Variants in ALDH1A2 observed in about 807,000 individuals in gnomAD.
ALDH1A2 encodes aldehyde dehydrogenase 1 family member A2.
ALDH1A2 carries 27 observed loss-of-function variants against 60.3 expected under a neutral mutation model. The ratio of observed to expected loss-of-function variants is 0.45; its 90% CI spans 0.33 to 0.62. The LOEUF is 0.62. Ranked by LOEUF, ALDH1A2 falls within the 20% of genes least tolerant of loss-of-function variation. The pLI, the probability that ALDH1A2 is intolerant of heterozygous loss-of-function variation, is 0.02. For synonymous variants in ALDH1A2, 289 were observed against 232.4 expected (o/e 1.24, Z -2.21); for missense variants, 581 against 643.8 (o/e 0.90, Z 1.06).
intron 1 of ALDH1A2, among the ~76,000 whole-genome samples, chr15:58,047,886 T>G (rs1309253612): frequency 1.3e-5 from 2 of 152,086 alleles, no homozygotes; most frequent in African/African-American, 2.4e-5. Flanking sequence ...GATTGCATTT[T>G]TCACTTTAAA....
intron 1 of ALDH1A2, among the ~76,000 whole-genome samples, chr15:58,017,956 A>G (rs1445817835): frequency 1.3e-5 from 2 of 152,222 alleles, no homozygotes; most frequent in African/African-American, 4.8e-5. Context: ...TTAAAAAATT[A>G]TATGGACAAC....
intron 4 of ALDH1A2, among the ~76,000 whole-genome samples, chr15:58,005,486 TAA>T (rs1238053363): frequency 6.6e-6 from 1 of 151,964 alleles, no homozygotes; most frequent in Non-Finnish European, 1.5e-5. Context: ...GGTGAAGGAA[TAA>T]GAGATCAAAG....
chr15:57,999,269 G>A (rs1895176488), intron 4 of ALDH1A2, among the ~76,000 whole-genome samples: 1 of 151,960 alleles, frequency 6.6e-6, no homozygotes, highest in African/African-American at 2.4e-5. Flanking sequence ...CTACAGAATG[G>A]GAGAAATTTT....
intron 4 of ALDH1A2, among the ~76,000 whole-genome samples, chr15:58,010,419 A>C (rs1278569189): frequency 6.6e-6 from 1 of 152,128 alleles, no homozygotes; most frequent in Admixed American, 6.6e-5. Flanking sequence ...CCTCTTCCTT[A>C]GATGAATGAT....
At position 57,970,050 on chromosome 15, in the gene ALDH1A2, T is replaced by C. The variant is rs1894012397; in HGVS notation, c.799-4223A>G. ...ATCTCTCCCTTAGTACTCCAGTTAA[T>C]TGAAGGAGTTAAAAAAGACAGACAG... On this transcript the variant is annotated intron_variant, in intron 7 of 12. Transcript: ENST00000249750. Among the ~76,000 whole-genome samples, 4 of 152,216 alleles carry C rather than the reference T, an allele frequency of 2.6e-5. No homozygotes were observed. The South Asian group carries it at 8.3e-4, about 32-fold the overall frequency.
intron 4 of ALDH1A2, among the ~76,000 whole-genome samples, chr15:58,003,187 A>G (rs1490072169): frequency 6.6e-6 from 1 of 151,824 alleles, no homozygotes; most frequent in East Asian, 1.9e-4. Context: ...TTTCAGCTTC[A>G]ACCTCTTAAA....
intron 4 of ALDH1A2, among the ~76,000 whole-genome samples, chr15:58,005,632 G>C (rs1045370913): frequency 6.6e-6 from 1 of 151,940 alleles, no homozygotes; most frequent in African/African-American, 2.4e-5. Flanking sequence ...TTTAGTGTTA[G>C]AGATGTTATG....
At chr15:58,013,083 T>C (rs1895682023) in intron 3 of ALDH1A2, among the ~76,000 whole-genome samples, 1 of 152,210 alleles carries the variant, frequency 6.6e-6, no homozygotes, top group Non-Finnish European at 1.5e-5. Flanking sequence ...ATCATTGTTT[T>C]AGTGAAAGGA....
intron 12 of ALDH1A2, among the ~76,000 whole-genome samples, chr15:57,959,496 C>A (rs764567034): frequency 5.3e-5 from 8 of 152,082 alleles, no homozygotes; most frequent in Non-Finnish European, 2.9e-5. Context: ...GCCAAAGTTA[C>A]AGGTTAAGAA....
intron 1 of ALDH1A2, among the ~76,000 whole-genome samples, chr15:58,052,509 A>G (rs369062987): frequency 1.1e-4 from 16 of 152,172 alleles, no homozygotes; most frequent in Admixed American, 6.6e-4. Context: ...TCTGTCGCCC[A>G]GGCTGCAGTG....
At chr15:58,042,924 T>A (rs1896554446) in intron 1 of ALDH1A2, among the ~76,000 whole-genome samples, 1 of 151,976 alleles carries the variant, frequency 6.6e-6, no homozygotes. Flanking sequence ...ACCTGGCCAC[T>A]ATCAATGATG....
At position 58,029,791 on chromosome 15, in the gene ALDH1A2, A is replaced by G. The variant is rs538531289; in HGVS notation, c.118-15510T>C. Among the ~76,000 whole-genome samples, 11 of 152,324 alleles carry G rather than the reference A, an allele frequency of 7.2e-5. No individual in the cohort carries two copies. The East Asian group carries it at 2.1e-3, about 29-fold the overall frequency. On this transcript the variant is annotated intron_variant, in intron 1 of 12. Transcript: ENST00000249750. ...GCAAATAAACTAGAAAATCTAGAAG[A>G]AATGGATAAATTCCTGGACACATAC...
intron 1 of ALDH1A2, among the ~76,000 whole-genome samples, chr15:58,021,143 G>A (rs1030821326): frequency 2.6e-5 from 4 of 152,096 alleles, no homozygotes; most frequent in African/African-American, 9.7e-5. Context: ...GTCTCTGTAA[G>A]TGACATATGG....
chr15:58,028,960 A>T (rs1896156086), intron 1 of ALDH1A2, among the ~76,000 whole-genome samples: 1 of 152,182 alleles, frequency 6.6e-6, no homozygotes, highest in South Asian at 2.1e-4. Flanking sequence ...GGGAGACTTT[A>T]ACACCCCACT....
intron 4 of ALDH1A2, among the ~76,000 whole-genome samples, chr15:58,005,960 A>T (rs537040864): frequency 6.6e-6 from 1 of 152,000 alleles, no homozygotes; most frequent in African/African-American, 2.4e-5. Context: ...ATTTATTTGT[A>T]ACCCAAAAAT....
chr15:57,989,572 C>T (rs183895725), intron 7 of ALDH1A2, among the ~76,000 whole-genome samples: 85 of 152,234 alleles, frequency 5.6e-4, no homozygotes, highest in Admixed American at 9.8e-4. Context: ...AAATTATGAG[C>T]TCTAAAACAG....
chr15:58,047,941 T>A (rs1172600166), intron 1 of ALDH1A2, among the ~76,000 whole-genome samples: 2 of 152,070 alleles, frequency 1.3e-5, no homozygotes, highest in Admixed American at 1.3e-4. Context: ...GTTCAGTAAG[T>A]GTAATATTTT....
At chr15:57,959,752 G>C (rs1380861799) in intron 12 of ALDH1A2, among the ~76,000 whole-genome samples, 1 of 152,104 alleles carries the variant, frequency 6.6e-6, no homozygotes, top group Non-Finnish European at 1.5e-5. Flanking sequence ...ATTCAAATCC[G>C]AGCAGTGTGA....
At chr15:57,995,637 G>A (rs1474264399) in intron 4 of ALDH1A2, among the ~76,000 whole-genome samples, 2 of 152,020 alleles carry the variant, frequency 1.3e-5, no homozygotes, top group Non-Finnish European at 2.9e-5. Flanking sequence ...CTCAATCCAG[G>A]TGTCAAAATG....
Sources: gnomAD v4.1 joint callset for allele counts (sites outside exome capture counted in the v4.1 genomes callset) on GRCh38, gnomAD v4.1.1 for gene constraint, MANE v1.5 for transcripts, NCBI Gene and HGNC (gene_info 2026-07-23, HGNC 2026-07-21) for gene names.